Variants in GSS observed in about 807,000 individuals in gnomAD.
GSS encodes GSH synthetase.
GSS carries 34 observed loss-of-function variants against 60.4 expected under a neutral mutation model. The observed-to-expected ratio is 0.56, with a 90% CI of 0.43 to 0.75. The LOEUF (loss-of-function observed/expected upper bound fraction) is 0.75. GSS is among the 30% of genes least tolerant of loss of function. GSS has a pLI of 0.00. For missense variants in GSS, 499 were observed against 595.1 expected, an observed-to-expected ratio of 0.84 and a Z score of 1.68; for synonymous variants, 224 against 239.0, an observed-to-expected ratio of 0.94 and a Z score of 0.58.
intron 4 of GSS, 52 bp from the exon 5 acceptor site, chr20:34,942,679 G>A (rs2081493684): frequency 1.3e-6 from 2 of 1,583,410 alleles, no homozygotes; most frequent in Admixed American, 3.3e-5. Flanking sequence ...TGACTCTGAG[G>A]ACCTAGCCAC....
intron 10 of GSS, chr20:34,931,637 G>A: frequency 1.6e-6 from 1 of 642,200 alleles, no homozygotes. Context: ...ACAGCTCAGG[G>A]CTCTGCAGCA....
Position 34,951,766 on chromosome 20 carries a change from C to T in GSS, c.87G>A (p.Glu29=). The T allele has an allele frequency of 4.3e-6, 7 of 1,613,206 alleles. No individual in the cohort carries two copies. The highest frequency in any genetic ancestry group is 5.9e-6 in the Non-Finnish European group (7 of 1,179,582). ...ARQAVDRALA[E]GVLLRTSQEP... is the part of the protein sequence containing the mutation. ...CCTGTGAGGTCCTCAGCAATACTCC[C>T]TCAGCCAGGGCCCGGTCCACGGCCT... The change falls in exon 2 of 13, where the codon GAG becomes GAA. Residue 29 remains glutamate, a synonymous_variant. Transcript: ENST00000651619.
Position 34,935,571 on chromosome 20 carries a change from C to T in GSS, c.834+5G>A. 2 of 1,605,004 alleles carry T rather than the reference C, an allele frequency of 1.2e-6. No individual in the cohort carries two copies. Among genetic ancestry groups the T allele is most frequent in the Non-Finnish European group, 1.7e-6 (2 of 1,171,774 alleles). On this transcript the variant is annotated splice_donor_5th_base_variant and intron_variant, in intron 9 of 12. Coordinates refer to ENST00000651619, the MANE Select transcript of GSS (RefSeq NM_000178.4). ...GCAAAGAATGGTCTCACAGAAAATA[C>T]CAACCTGTAGACTGTACTGACGAGG...
intron 6 of GSS, among the ~76,000 whole-genome samples, chr20:34,939,217 G>A (rs1387332002): frequency 2.6e-5 from 4 of 152,014 alleles, no homozygotes; most frequent in Non-Finnish European, 5.9e-5. Flanking sequence ...TCCAGCCTGG[G>A]CAACAAAAAC....
chr20:34,929,985 C>T (rs1257485034), intron 11 of GSS, among the ~76,000 whole-genome samples: 3 of 151,956 alleles, frequency 2.0e-5, no homozygotes, highest in Non-Finnish European at 2.9e-5. Context: ...TGTTAACTTC[C>T]GGCCGGGCAT....
Position 34,929,549 on chromosome 20 carries a change from G to C in GSS, c.1153C>G (p.Gln385Glu). The C allele has an allele frequency of 6.2e-7, 1 of 1,614,066 alleles. No homozygotes were observed. Among genetic ancestry groups the C allele is most frequent in the South Asian group, 1.1e-5 (1 of 91,084 alleles). Residue 385 changes from glutamine (Q) to glutamate (E), a missense_variant, in exon 12 of 13, where the codon CAG (glutamine) becomes GAG (glutamate). Physicochemically the swap from Gln to Glu is conservative, Grantham distance 29. Transcript: ENST00000651619. ...YGEEMVQALK[Q>E]LKDSEERASY... ...GCCCTCTCCTCACTGTCCTTCAGCT[G>C]TTTCAGGGCCTGTACCATTTCCTCC...
chr20:34,937,524 A>G (rs2081449514), intron 6 of GSS, among the ~76,000 whole-genome samples: 1 of 152,224 alleles, frequency 6.6e-6, no homozygotes. Flanking sequence ...TTCTTACACA[A>G]GATGGAACCC....
intron 2 of GSS, among the ~76,000 whole-genome samples, chr20:34,947,949 C>CTT (rs11429240): frequency 0.038 from 5,195 of 135,950 alleles, 167 homozygotes; most frequent in African/African-American, 0.08. Context: ...TTCTCAGCAT[C>CTT]TTTTTTTTTT....
At chr20:34,954,042 C>G (rs1456806351) in intron 1 of GSS, among the ~76,000 whole-genome samples, 1 of 152,136 alleles carries the variant, frequency 6.6e-6, no homozygotes, top group Non-Finnish European at 1.5e-5. Flanking sequence ...GGAGACTTGT[C>G]AGAGGTCACA....
chr20:34,930,912 G>A (rs764254432), intron 11 of GSS, among the ~76,000 whole-genome samples: 2 of 151,894 alleles, frequency 1.3e-5, no homozygotes, highest in Non-Finnish European at 2.9e-5. Flanking sequence ...CTTTTGTATG[G>A]AACACTCTTC....
In GSS at chr20:34,942,708, G is replaced by C. The variant is rs376515713; in HGVS notation, c.352-81C>G. On this transcript the variant is annotated intron_variant, in intron 4 of 12. Coordinates refer to ENST00000651619, the MANE Select transcript of GSS (RefSeq NM_000178.4). ...TAGCCACAGAGCACACAGGTACCAT[G>C]AACTCTACACAGAGATTAGAGGTAC... The C allele has an allele frequency of 9.4e-5, 128 of 1,355,078 alleles. No individual in the cohort carries two copies. The African/African-American group carries it at 1.6e-3, about 17-fold the overall frequency. The allele number at this position is 1,355,078 out of a possible 1,614,324, so 83.9% of individuals were successfully genotyped here. A position where few individuals can be genotyped will look rare whatever the true frequency, so the allele number is the denominator to read the frequency against.
chr20:34,949,413 T>G (rs2081548933), intron 2 of GSS: 1 of 148,174 alleles, frequency 6.7e-6, no homozygotes, highest in Non-Finnish European at 1.5e-5. Flanking sequence ...TCAGCTGCAT[T>G]CTCTTGAACA....
chr20:34,934,652 A>T (rs1467151442), intron 9 of GSS, among the ~76,000 whole-genome samples: 1 of 152,060 alleles, frequency 6.6e-6, no homozygotes, highest in Admixed American at 6.5e-5. Flanking sequence ...CACCTATCTA[A>T]AGAAAAGGAT....
intron 11 of GSS, among the ~76,000 whole-genome samples, chr20:34,930,326 A>G (rs990114531): frequency 2.0e-5 from 3 of 152,056 alleles, no homozygotes; most frequent in Non-Finnish European, 2.9e-5. Flanking sequence ...CTTAGACATC[A>G]TATGACTGGC....
At chr20:34,945,370 C>T (rs372968622) in intron 3 of GSS, among the ~76,000 whole-genome samples, 1 of 135,346 alleles carries the variant, frequency 7.4e-6, no homozygotes, top group Non-Finnish European at 1.6e-5. Context: ...AAGAAATTGC[C>T]CCAGAATCTG....
intron 1 of GSS, 76 bp from the exon 2 acceptor site, chr20:34,951,936 A>C (rs1600393094): frequency 6.7e-7 from 1 of 1,487,018 alleles, no homozygotes; most frequent in Non-Finnish European, 9.3e-7. Context: ...GCTGGCGGCC[A>C]CCCCCAACAC....
chr20:34,949,390 T>C (rs2081548547), intron 2 of GSS: 1 of 151,820 alleles, frequency 6.6e-6, no homozygotes, highest in African/African-American at 2.4e-5. Flanking sequence ...TATCCACTTA[T>C]GCGCCCTGCA....
intron 1 of GSS, chr20:34,954,523 C>T (rs111304968): frequency 1.5e-3 from 224 of 148,276 alleles, no homozygotes; most frequent in Non-Finnish European, 2.8e-3. Flanking sequence ...CATTGCACTC[C>T]AGCCTGGGCA....
chr20:34,947,622 T>C (rs1297373153), intron 2 of GSS, among the ~76,000 whole-genome samples: 1 of 152,168 alleles, frequency 6.6e-6, no homozygotes, highest in Non-Finnish European at 1.5e-5. Flanking sequence ...TTTCTCTTTT[T>C]TTCACCCCCA....
Sources: gnomAD v4.1 joint callset for allele counts (sites outside exome capture counted in the v4.1 genomes callset) on GRCh38, gnomAD v4.1.1 for gene constraint, MANE v1.5 for transcripts, NCBI Gene and HGNC (gene_info 2026-07-23, HGNC 2026-07-21) for gene names.